The following CRACD variants were observed in gnomAD, a reference collection of about 807,000 sequenced individuals.
CRACD encodes capping protein-inhibiting regulator of actin dynamics.
Under a neutral mutation model 106.8 loss-of-function variants are expected in CRACD, and 56 were observed. That is an observed-to-expected ratio of 0.52 (90% CI 0.42 to 0.66). The LOEUF is 0.66. Among genes scored for constraint, CRACD ranks in the 30% least tolerant of loss-of-function variants. The probability of loss-of-function intolerance (pLI) is 0.00; values close to 1 mark genes in which losing one functional copy is unlikely to be tolerated. For missense variants in CRACD, 1,730 were observed against 1,623.2 expected (o/e 1.07, Z -1.13); for synonymous variants, 754 against 670.8 (o/e 1.12, Z -1.92).
Position 56,205,126 on chromosome 4 carries a change from A to G in CRACD, c.-189+25696A>G, listed in dbSNP as rs186558262. Among the ~76,000 whole-genome samples, 707 of 152,290 alleles carry G rather than the reference A, an allele frequency of 4.6e-3. 4 individuals are homozygous for G. Among genetic ancestry groups the G allele is most frequent in the African/African-American group, 0.014 (587 of 41,542 alleles). Reference sequence around the variant, plus strand: ...AGCTATGATCACACCACTGCACTCTAGCCTTGGCAACAGAGTAAGACCCTG... The same window carrying G: ...AGCTATGATCACACCACTGCACTCTGGCCTTGGCAACAGAGTAAGACCCTG... On this transcript the variant is annotated intron_variant, in intron 2 of 10. Transcript: ENST00000682029.
In CRACD at chr4:56,316,438, A is replaced by G; in HGVS notation, c.2936A>G (p.Lys979Arg). ...ACCCCACCAGCATCCCCACTTTCCA[A>G]ACTGAGCAGGCCCTACTTGGTAGAG... is the stretch of plus-strand genomic sequence containing the variant. The part of the protein sequence containing the change: ...SQTPPASPLS[K>R]LSRPYLVELL... The change falls in exon 8 of 11, where the codon AAA becomes AGA. Residue 979 changes from lysine to arginine, a missense_variant. By Grantham distance (26) the Lys-to-Arg change is conservative (BLOSUM62 2). Transcript: ENST00000682029. 1 of 1,614,080 alleles carries G rather than the reference A, an allele frequency of 6.2e-7. No homozygotes were observed. The highest frequency in any genetic ancestry group is 8.5e-7 in the Non-Finnish European group (1 of 1,179,948).
At chr4:56,259,455 T>G (rs896155674) in intron 2 of CRACD, among the ~76,000 whole-genome samples, 2 of 151,790 alleles carry the variant, frequency 1.3e-5, no homozygotes, top group African/African-American at 4.8e-5. Context: ...GAGGGGAAGG[T>G]AAAGGTTATA....
intron 3 of CRACD, among the ~76,000 whole-genome samples, chr4:56,277,285 A>G (rs1742728203): frequency 6.6e-6 from 1 of 152,210 alleles, no homozygotes; most frequent in Non-Finnish European, 1.5e-5. Context: ...AGAAGGCTTA[A>G]GTAACATGAC....
intron 1 of CRACD, among the ~76,000 whole-genome samples, chr4:56,065,641 TTTG>T (rs764717963): frequency 6.6e-6 from 1 of 152,194 alleles, no homozygotes; most frequent in Non-Finnish European, 1.5e-5. Flanking sequence ...AGCTGGTTTT[TTTG>T]TTGTTGTTGT....
intron 1 of CRACD, among the ~76,000 whole-genome samples, chr4:56,160,326 G>C (rs774980378): frequency 1.3e-5 from 2 of 151,742 alleles, no homozygotes; most frequent in Non-Finnish European, 2.9e-5. Flanking sequence ...TGAATTACAG[G>C]CATGTGCCAC....
intron 1 of CRACD, among the ~76,000 whole-genome samples, chr4:56,073,988 G>C: frequency 6.6e-6 from 1 of 152,078 alleles, no homozygotes; most frequent in East Asian, 1.9e-4. Flanking sequence ...GTTTTTGTCA[G>C]GTTTGTCAAA....
At chr4:56,200,898 T>C (rs1737852366) in intron 2 of CRACD, among the ~76,000 whole-genome samples, 1 of 152,222 alleles carries the variant, frequency 6.6e-6, no homozygotes, top group African/African-American at 2.4e-5. Context: ...TTCCAGTATA[T>C]TCACGCAGTT....
intron 1 of CRACD, among the ~76,000 whole-genome samples, chr4:56,172,086 T>A (rs563924305): frequency 7.2e-6 from 1 of 139,080 alleles, no homozygotes; most frequent in Non-Finnish European, 1.5e-5. Flanking sequence ...ATGGGTCTCC[T>A]GTCCCAAAGT....
intron 3 of CRACD, among the ~76,000 whole-genome samples, chr4:56,282,571 A>G (rs1403608438): frequency 6.6e-6 from 1 of 152,202 alleles, no homozygotes; most frequent in Non-Finnish European, 1.5e-5. Context: ...GAAAGTCTGG[A>G]AGACTTTCCA....
At chr4:56,300,330 G>C (rs1056811010) in intron 4 of CRACD, among the ~76,000 whole-genome samples, 1 of 135,896 alleles carries the variant, frequency 7.4e-6, no homozygotes, top group Non-Finnish European at 1.7e-5. Flanking sequence ...CTTGATGCCT[G>C]CTGCCACCGC....
At chr4:56,321,822 C>T (rs2109793834) in intron 8 of CRACD, among the ~76,000 whole-genome samples, 1 of 152,258 alleles carries the variant, frequency 6.6e-6, no homozygotes, top group Non-Finnish European at 1.5e-5. Flanking sequence ...TATTGCAGTG[C>T]CCCAGGCTCA....
chr4:56,229,934 G>T (rs1335786880), intron 2 of CRACD, among the ~76,000 whole-genome samples: 1 of 152,124 alleles, frequency 6.6e-6, no homozygotes, highest in East Asian at 1.9e-4. Flanking sequence ...ACAACTAACA[G>T]GGTAAAACTT....
Position 56,298,279 on chromosome 4 carries a change from G to T in CRACD, c.50G>T (p.Gly17Val), listed in dbSNP as rs1744166607. Residue 17 changes from glycine (G) to valine (V), a missense_variant, in exon 4 of 11, where the codon GGA becomes GTA. Around this residue, in one of 5 missense-constraint regions of CRACD, gnomAD observed 1,620 missense variants for 1,481.6 expected, o/e 1.09. Transcript: ENST00000682029. ...GACAGTATTTTTATCCCTGATGGGG[G>T]AGCAGAAAGTGAGCAGACAGTTCAA... ...SHDSIFIPDG[G>V]AESEQTVQAM... 1.9e-6 allele frequency: 3 copies of T among 1,614,154 alleles called. No individual in the cohort carries two copies. In the East Asian group the frequency reaches 6.7e-5, roughly 36 times the overall value.
rs1553920294 is a variant in CRACD at position 56,314,410 on chromosome 4, C to CGGAGCGGAGGAAGCGGAG, written c.918_919insAAGCGGAGGGAGCGGAGG (p.Arg306_Glu307insLysArgArgGluArgArg). Reference sequence around the variant, plus strand: ...CTGGAAGCGCCAGGTTGGGAGGACGCGGAGCGGAGGGAGCGTGAGGAGCGC... The same window carrying CGGAGCGGAGGAAGCGGAG: ...CTGGAAGCGCCAGGTTGGGAGGACGCGGAGCGGAGGAAGCGGAGGGAGCGGAGGGAGCGTGAGGAGCGC... On this transcript the variant is annotated inframe_insertion, in exon 8 of 11. Coordinates refer to ENST00000682029, the MANE Select transcript of CRACD (RefSeq NM_001393381.1). The surrounding 1 kb of genome is among the most constrained non-coding windows in gnomAD (Gnocchi z 4.4). The CGGAGCGGAGGAAGCGGAG allele has an allele frequency of 1.3e-6, 2 of 1,540,992 alleles. No homozygotes were observed. The highest frequency in any genetic ancestry group is 1.7e-6 in the Non-Finnish European group (2 of 1,143,526).
intron 3 of CRACD, 25 bp from the exon 4 acceptor site, chr4:56,298,189 A>G: frequency 6.2e-7 from 1 of 1,600,810 alleles, no homozygotes; most frequent in Non-Finnish European, 8.5e-7. Flanking sequence ...TCCTAATAAA[A>G]TGAAGCACAT....
intron 8 of CRACD, among the ~76,000 whole-genome samples, chr4:56,319,067 A>G (rs1367551810): frequency 6.6e-6 from 1 of 152,138 alleles, no homozygotes; most frequent in African/African-American, 2.4e-5. Context: ...TCTCTATGCC[A>G]TATGCCATTT....
chr4:56,060,203 G>A lies in CRACD; in HGVS notation c.-336+10904G>A, dbSNP rs539284898. Among the ~76,000 whole-genome samples the A allele has an allele frequency of 9.9e-5, 15 of 152,128 alleles. No individual in the cohort carries two copies. In the South Asian group the frequency reaches 2.3e-3, roughly 23 times the overall value. On this transcript the variant is annotated intron_variant, in intron 1 of 10. Coordinates refer to ENST00000682029, the MANE Select transcript of CRACD (RefSeq NM_001393381.1). ...CGTACTGAACGTGGAGGAGTGGTGC[G>A]TGTCCCCTGTTTCCTTCTCGCCTCC... is the stretch of plus-strand genomic sequence containing the variant.
chr4:56,178,886 G>T (rs1271933028), intron 1 of CRACD, among the ~76,000 whole-genome samples: 1 of 152,188 alleles, frequency 6.6e-6, no homozygotes, highest in African/African-American at 2.4e-5. Context: ...GAGTAAAAAG[G>T]TGCCTTCACT....
intron 2 of CRACD, among the ~76,000 whole-genome samples, chr4:56,185,093 A>C (rs1183581236): frequency 6.6e-6 from 1 of 152,054 alleles, no homozygotes; most frequent in Non-Finnish European, 1.5e-5. Flanking sequence ...AGTAGCTGCG[A>C]CCACAGGCGC....
Sources: gnomAD v4.1 joint callset for allele counts (sites outside exome capture counted in the v4.1 genomes callset) on GRCh38, gnomAD v4.1.1 for gene constraint, gnomAD v4.1.1 regional missense constraint, Gnocchi (gnomAD v3.1) non-coding constraint, MANE v1.5 for transcripts, NCBI Gene and HGNC (gene_info 2026-07-23, HGNC 2026-07-21) for gene names.